Variants in ZBBX observed in about 807,000 individuals in gnomAD.
ZBBX encodes zinc finger B-box domain containing.
ZBBX carries 101 observed loss-of-function variants against 108.5 expected under a neutral mutation model. That is an observed-to-expected ratio of 0.93 (90% CI 0.79 to 1.10). ZBBX has a LOEUF of 1.10. Ranked by LOEUF, ZBBX falls within the 50% of genes least tolerant of loss-of-function variation. The probability of loss-of-function intolerance (pLI) is 0.00; values close to 1 mark genes in which losing one functional copy is unlikely to be tolerated. For synonymous variants in ZBBX, 356 were observed against 323.4 expected, an observed-to-expected ratio of 1.10 and a Z score of -1.08; for missense variants, 1,009 against 941.4, an observed-to-expected ratio of 1.07 and a Z score of -0.94.
intron 18 of ZBBX, among the ~76,000 whole-genome samples, chr3:167,297,316 G>A (rs1731851138): frequency 6.6e-6 from 1 of 151,920 alleles, no homozygotes; most frequent in Admixed American, 6.6e-5. Flanking sequence ...TCAACAAATG[G>A]TGCTGGAAAA....
At chr3:167,191,934 T>TATATATATATATATAGAG in the ZBBX span, among the ~76,000 whole-genome samples, 2 of 130,220 alleles carry the variant, frequency 1.5e-5, no homozygotes, top group African/African-American at 6.1e-5. Context: ...TATATATATA[T>TATATATATATATATAGAG]AGAGCAAGTT....
At chr3:167,222,350 A>T in the ZBBX span, among the ~76,000 whole-genome samples, 111 of 152,086 alleles carry the variant, frequency 7.3e-4, 1 homozygote, top group Middle Eastern at 6.8e-3. Context: ...TATGAGATCT[A>T]AAAATCAAAA....
At chr3:167,280,446 C>T (rs1343659101) in intron 20 of ZBBX, among the ~76,000 whole-genome samples, 7 of 150,494 alleles carry the variant, frequency 4.7e-5, no homozygotes, top group African/African-American at 1.7e-4. Flanking sequence ...GGGTGAAGGA[C>T]ATGAACAGAC....
chr3:167,277,817 C>T (rs1404423470), intron 20 of ZBBX, among the ~76,000 whole-genome samples: 1 of 152,224 alleles, frequency 6.6e-6, no homozygotes, highest in Non-Finnish European at 1.5e-5. Flanking sequence ...CACCACACCA[C>T]ATCTATTCCG....
At chr3:167,180,497 T>C in the ZBBX span, among the ~76,000 whole-genome samples, 2 of 152,268 alleles carry the variant, frequency 1.3e-5, no homozygotes, top group South Asian at 2.1e-4. Flanking sequence ...ATTAAACCAG[T>C]GTGAAAAATC....
intron 20 of ZBBX, among the ~76,000 whole-genome samples, chr3:167,243,671 T>A (rs956794932): frequency 6.1e-4 from 93 of 151,908 alleles, no homozygotes; most frequent in Non-Finnish European, 6.8e-4. Context: ...CCTTTACTTT[T>A]ATGAGAGGAC....
chr3:167,242,774 T>A, intron 20 of ZBBX, 131 bp from the exon 21 acceptor site: 1 of 811,392 alleles, frequency 1.2e-6, no homozygotes. Context: ...TTTTAATTAT[T>A]CCTCAATTTT....
rs1470292066 is a variant in ZBBX at position 167,372,948 on chromosome 3, C to T, written c.-47G>A. 2 of 1,447,578 alleles carry T rather than the reference C, an allele frequency of 1.4e-6. No individual in the cohort carries two copies. The highest frequency in any genetic ancestry group is 4.5e-5 in the Admixed American group (2 of 44,356). The allele number at this position is 1,447,578 out of a possible 1,614,324, so 89.7% of individuals were successfully genotyped here. ...TAAAAGTTATTCTGATTTGTAAACA[C>T]TTCTGTAAAAGTAACAAAGACAAAA... On this transcript the variant is annotated splice_region_variant and 5_prime_UTR_variant, in exon 4 of 22. In the 5' UTR this introduces an upstream ATG that the reference lacks. Transcript: ENST00000675490.
rs890866143 is a variant in ZBBX, at chr3:167,406,666, C to T, written c.-446+1060G>A. Among the ~76,000 whole-genome samples the T allele has an allele frequency of 7.9e-5, 12 of 152,178 alleles. No homozygotes were observed. In the East Asian group the frequency reaches 1.2e-3, roughly 15 times the overall value. The stretch of plus-strand genomic sequence containing the variant: ...AACATTTTCTCCTTAGAATAATTCC[C>T]TGTTTGAACACCATGGACGTAGCTA... On this transcript the variant is annotated intron_variant, in intron 1 of 21. Coordinates refer to the ZBBX transcript ENST00000455345.
At chr3:167,290,635 T>C (rs1311537028) in intron 18 of ZBBX, among the ~76,000 whole-genome samples, 1 of 152,020 alleles carries the variant, frequency 6.6e-6, no homozygotes, top group Non-Finnish European at 1.5e-5. Context: ...TCCAAAAACC[T>C]GAATGCCTCC....
At chr3:167,254,886 G>GTGAGAGAGAGAGAGAA (rs1576786191) in intron 20 of ZBBX, among the ~76,000 whole-genome samples, 3 of 151,292 alleles carry the variant, frequency 2.0e-5, no homozygotes, top group South Asian at 4.2e-4. Flanking sequence ...GTGTGTGTGT[G>GTGAGAGAGAGAGAGAA]TGAGAGAGAG....
chr3:167,301,905 C>T (rs1732745265), intron 17 of ZBBX, among the ~76,000 whole-genome samples: 1 of 144,062 alleles, frequency 6.9e-6, no homozygotes, highest in Non-Finnish European at 1.5e-5. Context: ...TGCTGTGAGC[C>T]ACGATGGCAC....
At chr3:167,372,745 G>C (rs1286240106) in intron 4 of ZBBX, 89 bp downstream of exon 4, 2 of 616,376 alleles carry the variant, frequency 3.2e-6, no homozygotes, top group Non-Finnish European at 5.6e-6. Flanking sequence ...TGTGAAAAAT[G>C]AAGATAAGAA....
chr3:167,259,341 G>C (rs1359392098), intron 20 of ZBBX, among the ~76,000 whole-genome samples: 2 of 151,936 alleles, frequency 1.3e-5, no homozygotes, highest in Non-Finnish European at 2.9e-5. Flanking sequence ...TTCTTAGTGA[G>C]GTTATTTGGA....
the ZBBX span, among the ~76,000 whole-genome samples, chr3:167,221,620 G>A: frequency 1.3e-5 from 2 of 151,824 alleles, no homozygotes; most frequent in African/African-American, 4.8e-5. Context: ...AAGATTTCTT[G>A]AGTAACACCC....
chr3:167,316,483 C>A (rs1227789934), intron 14 of ZBBX, among the ~76,000 whole-genome samples: 2 of 152,030 alleles, frequency 1.3e-5, no homozygotes, highest in East Asian at 3.9e-4. Context: ...CTAGCTCTGA[C>A]AGGGTCTGGC....
intron 9 of ZBBX, among the ~76,000 whole-genome samples, chr3:167,348,907 C>T (rs183854623): frequency 2.5e-3 from 375 of 152,058 alleles, no homozygotes; most frequent in Non-Finnish European, 4.0e-3. Context: ...TAATGCTCAA[C>T]GTTTAGAAAG....
At chr3:167,265,765 G>T (rs189603350) in intron 20 of ZBBX, among the ~76,000 whole-genome samples, 1 of 152,200 alleles carries the variant, frequency 6.6e-6, no homozygotes, top group African/African-American at 2.4e-5. Flanking sequence ...AGTTCTGACC[G>T]CTGGAATGGA....
intron 11 of ZBBX, among the ~76,000 whole-genome samples, chr3:167,325,124 GTCT>G (rs1312781093): frequency 2.0e-5 from 3 of 152,092 alleles, no homozygotes; most frequent in Non-Finnish European, 2.9e-5. Context: ...ACTGTTAAAT[GTCT>G]TCTTCTACTT....
Sources: allele counts gnomAD v4.1 joint callset (sites outside exome capture counted in the v4.1 genomes callset), GRCh38; gene constraint gnomAD v4.1.1; transcripts MANE v1.5; gene names NCBI Gene and HGNC (gene_info 2026-07-23, HGNC 2026-07-21).